The following PARD3 variants were observed in gnomAD, a reference collection of about 807,000 sequenced individuals.
PARD3 encodes par-3 family cell polarity regulator, also known as partitioning defective 3 homolog.
In PARD3, 75 loss-of-function variants were observed where a neutral mutation model predicts 155.4. The ratio of observed to expected loss-of-function variants is 0.48; its 90% CI spans 0.40 to 0.58. The LOEUF (loss-of-function observed/expected upper bound fraction) is 0.58. Ranked by LOEUF, PARD3 falls within the 20% of genes least tolerant of loss-of-function variation. PARD3 has a pLI of 0.00. For missense variants in PARD3, 1,642 were observed against 1,721.7 expected (o/e 0.95, Z 0.82); for synonymous variants, 576 against 610.5 (o/e 0.94, Z 0.83).
chr10:34,743,101 TATC>T lies in PARD3; in HGVS notation c.121-46685_121-46683del, dbSNP rs150475912. On this transcript the variant is annotated intron_variant, in intron 1 of 24. Transcript: ENST00000374788. ...ACTTAGCAAATATTCAATTAAATCT[TATC>T]ATCATCATCTCATAATTATTTTTCC... 7.0e-3 allele frequency among the ~76,000 whole-genome samples: 1,072 copies of T among 152,274 alleles called. 14 individuals carry two copies. Among genetic ancestry groups the T allele is most frequent in the African/African-American group, 0.025 (1,041 of 41,548 alleles).
At chr10:34,311,687 G>A (rs1228828894) in intron 20 of PARD3, among the ~76,000 whole-genome samples, 2 of 152,070 alleles carry the variant, frequency 1.3e-5, no homozygotes, top group Admixed American at 1.3e-4. Flanking sequence ...TTTTCACACG[G>A]GAAGAACCTG....
intron 22 of PARD3, among the ~76,000 whole-genome samples, chr10:34,217,584 C>G (rs1054579005): frequency 5.9e-5 from 9 of 152,214 alleles, no homozygotes; most frequent in African/African-American, 2.2e-4. Flanking sequence ...CAGCAGACTA[C>G]AGGGATAGAC....
intron 20 of PARD3, among the ~76,000 whole-genome samples, chr10:34,302,890 G>GAC (rs1957218577): frequency 6.6e-6 from 1 of 152,014 alleles, no homozygotes; most frequent in Non-Finnish European, 1.5e-5. Flanking sequence ...CGAGGCCCTG[G>GAC]AGCAGGACCT....
chr10:34,287,820 A>G (rs542388571), intron 20 of PARD3, among the ~76,000 whole-genome samples: 1 of 152,308 alleles, frequency 6.6e-6, no homozygotes, highest in South Asian at 2.1e-4. Flanking sequence ...TTGGTATTAA[A>G]ATATTAATTA....
chr10:34,269,650 C>T lies in PARD3; in HGVS notation c.3419+7G>A, dbSNP rs199808999. On this transcript the variant is annotated splice_region_variant and intron_variant, in intron 22 of 24. Coordinates refer to ENST00000374788, the MANE Select transcript of PARD3 (RefSeq NM_001184785.2). Reference sequence around the variant, plus strand: ...GAAGCAATACCACGATTGCCCCTGGCGCCTACCTGTCTACAGGTGAGGGTT... The same window carrying T: ...GAAGCAATACCACGATTGCCCCTGGTGCCTACCTGTCTACAGGTGAGGGTT... 1.4e-4 allele frequency: 227 copies of T among 1,612,770 alleles called. No homozygotes were observed. The highest frequency in any genetic ancestry group is 1.0e-3 in the Middle Eastern group (6 of 5,998).
intron 8 of PARD3, 122 bp from the exon 9 acceptor site, chr10:34,383,044 A>T: frequency 1.0e-6 from 1 of 1,003,126 alleles, no homozygotes; most frequent in Non-Finnish European, 1.5e-6. Flanking sequence ...ATTGAAAAGC[A>T]AAATTCTAAT....
intron 5 of PARD3, among the ~76,000 whole-genome samples, chr10:34,408,958 A>T (rs1006908107): frequency 4.6e-5 from 7 of 152,120 alleles, no homozygotes; most frequent in African/African-American, 1.7e-4. Flanking sequence ...TATAATATAA[A>T]CTATGCTCTA....
chr10:34,540,456 C>CAA (rs1452070242), intron 2 of PARD3, among the ~76,000 whole-genome samples: 1 of 152,042 alleles, frequency 6.6e-6, no homozygotes, highest in Non-Finnish European at 1.5e-5. Flanking sequence ...TATAAGTATA[C>CAA]AATGTTTCCT....
At chr10:34,487,462 T>C (rs1285765955) in intron 3 of PARD3, among the ~76,000 whole-genome samples, 1 of 152,100 alleles carries the variant, frequency 6.6e-6, no homozygotes, top group African/African-American at 2.4e-5. Flanking sequence ...ATCTCTGTCC[T>C]TTTCACATTG....
At chr10:34,136,300 C>T (rs917308447) in intron 22 of PARD3, among the ~76,000 whole-genome samples, 4 of 152,224 alleles carry the variant, frequency 2.6e-5, no homozygotes, top group Non-Finnish European at 1.5e-5. Flanking sequence ...GGGTATCCTT[C>T]CTTGCAGGCT....
At chr10:34,674,940 T>C (rs959314795) in intron 2 of PARD3, among the ~76,000 whole-genome samples, 9 of 152,218 alleles carry the variant, frequency 5.9e-5, no homozygotes, top group African/African-American at 1.7e-4. Context: ...CACCTTACTA[T>C]GTTGTCTTCA....
intron 7 of PARD3, 87 bp downstream of exon 7, chr10:34,399,243 T>TA: frequency 1.2e-6 from 1 of 858,850 alleles, no homozygotes; most frequent in East Asian, 2.4e-5. Context: ...AAGCATATGC[T>TA]AAGTCAACAC....
intron 3 of PARD3, among the ~76,000 whole-genome samples, chr10:34,500,485 T>C (rs141693494): frequency 1.9e-3 from 285 of 152,322 alleles, no homozygotes; most frequent in African/African-American, 6.5e-3. Context: ...CTCACACCTG[T>C]AATCCCAGCA....
At chr10:34,119,422 T>G (rs962085511) in intron 24 of PARD3, among the ~76,000 whole-genome samples, 191 bp downstream of exon 24, 2 of 152,176 alleles carry the variant, frequency 1.3e-5, no homozygotes, top group African/African-American at 4.8e-5. Flanking sequence ...CAATGGGCAT[T>G]TCCCCTGGCC....
intron 2 of PARD3, among the ~76,000 whole-genome samples, chr10:34,596,482 C>G (rs1472920191): frequency 6.6e-6 from 1 of 152,022 alleles, no homozygotes; most frequent in Non-Finnish European, 1.5e-5. Flanking sequence ...CAAGATAGCA[C>G]CAGAGAGAAT....
At chr10:34,208,551 A>T (rs902189128) in intron 22 of PARD3, among the ~76,000 whole-genome samples, 2 of 152,222 alleles carry the variant, frequency 1.3e-5, no homozygotes, top group Non-Finnish European at 2.9e-5. Context: ...TGGCACAGGC[A>T]TCTATAGTTG....
At chr10:34,146,894 A>G (rs1412084659) in intron 22 of PARD3, among the ~76,000 whole-genome samples, 1 of 152,160 alleles carries the variant, frequency 6.6e-6, no homozygotes, top group Non-Finnish European at 1.5e-5. Flanking sequence ...TTTTGTGGCT[A>G]AGGCGTGCAA....
At chr10:34,384,370 A>G in intron 7 of PARD3, 116 bp from the exon 8 acceptor site, 1 of 965,688 alleles carries the variant, frequency 1.0e-6, no homozygotes, top group Non-Finnish European at 1.5e-6. Flanking sequence ...GGAGCATGTT[A>G]AAATGACTAT....
chr10:34,514,468 G>A, intron 3 of PARD3, among the ~76,000 whole-genome samples: 1 of 152,138 alleles, frequency 6.6e-6, no homozygotes, highest in East Asian at 1.9e-4. Context: ...CGTCATTAAT[G>A]CGGTGGCAAA....
Sources: gnomAD v4.1 joint callset for allele counts (sites outside exome capture counted in the v4.1 genomes callset) on GRCh38, gnomAD v4.1.1 for gene constraint, MANE v1.5 for transcripts, NCBI Gene and HGNC (gene_info 2026-07-23, HGNC 2026-07-21) for gene names.